The following STX3 variants were observed in gnomAD, a reference collection of about 807,000 sequenced individuals.
STX3 encodes the protein syntaxin 3, also known as syntaxin-3.
STX3 carries 19 observed loss-of-function variants against 40.2 expected under a neutral mutation model. The observed-to-expected ratio is 0.47, with a 90% confidence interval of 0.33 to 0.69. The LOEUF is 0.69. STX3 is among the 30% of genes least tolerant of loss of function. STX3 has a pLI of 0.02. For synonymous variants in STX3, 122 were observed against 132.2 expected, an observed-to-expected ratio of 0.92 and a Z score of 0.53; for missense variants, 364 against 366.7, an observed-to-expected ratio of 0.99 and a Z score of 0.06.
intron 2 of STX3, chr11:59,781,396 T>C (rs1050884900): frequency 3.6e-5 from 58 of 1,603,074 alleles, no homozygotes; most frequent in Non-Finnish European, 4.5e-5. Context: ...TTCAATTTTC[T>C]TGTTATTGTG....
chr11:59,792,086 G>T lies in STX3; in HGVS notation c.358-21G>T, dbSNP rs369988694. 4.6e-5 allele frequency: 73 copies of T among 1,598,864 alleles called. No individual in the cohort carries two copies. In the African/African-American group the frequency reaches 8.8e-4, roughly 19 times the overall value. On this transcript the variant is annotated intron_variant, in intron 5 of 10. Coordinates refer to ENST00000337979, the MANE Select transcript of STX3 (RefSeq NM_004177.5). ...GTTACAGAACCACTGGGGCCTGACT[G>T]CATTTTACATCATCCCACAGCACTC...
chr11:59,792,974 A>G (rs1865290336), intron 6 of STX3, 125 bp from the exon 7 acceptor site: 1 of 840,692 alleles, frequency 1.2e-6, no homozygotes, highest in South Asian at 1.6e-5. Context: ...TCAGGAGGCA[A>G]TTGGGGGAGT....
rs756976099 is a variant in STX3 at position 59,802,707 on chromosome 11, C to A, written c.*1883C>A. The A allele has an allele frequency of 3.0e-6, 3 of 985,700 alleles. No homozygotes were observed. The highest frequency in any genetic ancestry group is 3.6e-6 in the Non-Finnish European group (3 of 829,944). The allele number at this position is 985,700 out of a possible 1,614,324, so 61.1% of individuals were successfully genotyped here. ...AAATGACTTTGTATTGATTGTGAAA[C>A]GGTTCTGGCTCTGTCTCGATGCAGA... On this transcript the variant is annotated 3_prime_UTR_variant, in exon 11 of 11. Coordinates refer to ENST00000337979, the MANE Select transcript of STX3 (RefSeq NM_004177.5).
intron 1 of STX3, among the ~76,000 whole-genome samples, chr11:59,757,521 G>A (rs761149675): frequency 1.3e-5 from 2 of 152,060 alleles, no homozygotes; most frequent in Non-Finnish European, 2.9e-5. Flanking sequence ...GCCTCTCCTC[G>A]GTGCCTCATG....
At chr11:59,792,887 TA>T (rs1485696490) in intron 6 of STX3, among the ~76,000 whole-genome samples, 1 of 152,174 alleles carries the variant, frequency 6.6e-6, no homozygotes, top group East Asian at 1.9e-4. Context: ...GGAAGCAATG[TA>T]ATGAGATAAG....
intron 1 of STX3, among the ~76,000 whole-genome samples, chr11:59,771,403 T>TCCC (rs1367914976): frequency 2.9e-5 from 1 of 34,696 alleles, no homozygotes; most frequent in African/African-American, 1.3e-4. Flanking sequence ...TCCCCCCACC[T>TCCC]CCCCCCCCCC....
At chr11:59,789,430 G>A (rs1864979427) in intron 4 of STX3, among the ~76,000 whole-genome samples, 1 of 150,726 alleles carries the variant, frequency 6.6e-6, no homozygotes. Flanking sequence ...TTATTTCCCT[G>A]GCAACTACAT....
intron 2 of STX3, among the ~76,000 whole-genome samples, chr11:59,786,721 T>C (rs1442572758): frequency 2.0e-5 from 3 of 152,166 alleles, no homozygotes; most frequent in Non-Finnish European, 2.9e-5. Flanking sequence ...GGTCTGCTGA[T>C]TCTCCCCCTC....
At chr11:59,765,522 G>C (rs1029056810) in intron 1 of STX3, among the ~76,000 whole-genome samples, 1 of 152,160 alleles carries the variant, frequency 6.6e-6, no homozygotes, top group African/African-American at 2.4e-5. Context: ...CCAGGAGTCA[G>C]GCTGGGTGCG....
chr11:59,765,570 G>A (rs915331325), intron 1 of STX3, among the ~76,000 whole-genome samples: 3 of 152,146 alleles, frequency 2.0e-5, no homozygotes, highest in African/African-American at 4.8e-5. Flanking sequence ...TTGGGAGACC[G>A]AGGAGGGTGG....
chr11:59,776,521 C>T (rs539328468), intron 2 of STX3, among the ~76,000 whole-genome samples: 18 of 152,188 alleles, frequency 1.2e-4, no homozygotes, highest in African/African-American at 4.3e-4. Flanking sequence ...AGATTGTCCC[C>T]CTCTATGTGA....
At chr11:59,759,984 A>C (rs1015164452) in intron 1 of STX3, among the ~76,000 whole-genome samples, 19 of 152,130 alleles carry the variant, frequency 1.2e-4, no homozygotes, top group Non-Finnish European at 4.4e-5. Context: ...CTAGTCATAA[A>C]ATTTCATTCA....
chr11:59,788,784 G>C lies in STX3; in HGVS notation c.215-89G>C. ...TTCTGGGCAGTGGATGCCCGATAAA[G>C]CTCCCCTCCTCTGATGATGATTGCT... On this transcript the variant is annotated intron_variant, in intron 3 of 10. Transcript: ENST00000337979. 5.4e-6 allele frequency: 6 copies of C among 1,115,228 alleles called. 1 individual carries two copies. In the South Asian group the frequency reaches 7.0e-5, roughly 13 times the overall value. 69.1% of individuals were successfully genotyped at this position (1,115,228 alleles called of 1,614,324 possible). A position where few individuals can be genotyped will look rare whatever the true frequency, so the allele number is the denominator to read the frequency against.
chr11:59,788,784 G>A, intron 3 of STX3, 89 bp from the exon 4 acceptor site: 1 of 1,115,228 alleles, frequency 9.0e-7, no homozygotes, highest in Non-Finnish European at 1.3e-6. Context: ...GCCCGATAAA[G>A]CTCCCCTCCT....
At chr11:59,773,977 CAAAAA>C (rs5792160) in intron 2 of STX3, among the ~76,000 whole-genome samples, 8 of 81,246 alleles carry the variant, frequency 9.8e-5, no homozygotes, top group African/African-American at 2.9e-4. Flanking sequence ...CTCACACACA[CAAAAA>C]AAAAAAAAAA....
At chr11:59,757,532 G>A (rs1014744631) in intron 1 of STX3, among the ~76,000 whole-genome samples, 7 of 152,164 alleles carry the variant, frequency 4.6e-5, no homozygotes, top group African/African-American at 1.7e-4. Context: ...GTGCCTCATG[G>A]TTACCCTCTG....
intron 9 of STX3, among the ~76,000 whole-genome samples, chr11:59,796,383 C>T (rs1865519425): frequency 6.6e-6 from 1 of 152,218 alleles, no homozygotes; most frequent in African/African-American, 2.4e-5. Flanking sequence ...CTGGTGGCGT[C>T]TGCTTTTTAG....
chr11:59,783,440 A>AGAT (rs1315571574), intron 2 of STX3, among the ~76,000 whole-genome samples: 1 of 152,188 alleles, frequency 6.6e-6, no homozygotes, highest in Non-Finnish European at 1.5e-5. Flanking sequence ...TATAAAAAGG[A>AGAT]GATGATGATG....
chr11:59,777,956 C>T (rs1338716917), intron 2 of STX3, among the ~76,000 whole-genome samples: 1 of 152,152 alleles, frequency 6.6e-6, no homozygotes, highest in African/African-American at 2.4e-5. Context: ...CTGTCTGGTG[C>T]CTTTACTGGG....
Sources: gnomAD v4.1 joint callset for allele counts (sites outside exome capture counted in the v4.1 genomes callset) on GRCh38, gnomAD v4.1.1 for gene constraint, MANE v1.5 for transcripts, NCBI Gene and HGNC (gene_info 2026-07-23, HGNC 2026-07-21) for gene names.